AHNAK2: variants seen among roughly 807,000 people sequenced by gnomAD.
The protein encoded by AHNAK2 is AHNAK nucleoprotein 2.
A neutral mutation model predicts 30.7 loss-of-function variants in AHNAK2; 18 were observed. That is an observed-to-expected ratio of 0.59 (90% CI 0.41 to 0.87). The LOEUF (loss-of-function observed/expected upper bound fraction) is 0.87, where lower values mean the gene tolerates loss of function less well. AHNAK2 is among the 40% of genes least tolerant of loss of function. The pLI is 0.00. For synonymous variants in AHNAK2, 3,590 were observed against 3,073.8 expected (o/e 1.17, Z -5.56); for missense variants, 8,604 against 7,373.0 (o/e 1.17, Z -6.11).
At chr14:104,957,703 A>G (rs983493333) in intron 1 of AHNAK2, 31 bp from the exon 2 acceptor site, 3 of 1,600,070 alleles carry the variant, frequency 1.9e-6, no homozygotes, top group Non-Finnish European at 2.6e-6. Context: ...AGTGGAGACA[A>G]GCAGGCTGGG....
chr14:104,956,706 T>C lies in AHNAK2; in HGVS notation c.214-17A>G. On this transcript the variant is annotated splice_polypyrimidine_tract_variant and intron_variant, in intron 3 of 6. Coordinates refer to ENST00000333244, the MANE Select transcript of AHNAK2 (RefSeq NM_138420.4). ...GGCGTCTTCCTGCAGCCACAAGTGT[T>C]GGGAGTTAGGCACCTGCCCCAGCTC... The C allele has an allele frequency of 6.2e-7, 1 of 1,612,850 alleles. No homozygotes were observed. The highest frequency in any genetic ancestry group is 8.5e-7 in the Non-Finnish European group (1 of 1,179,530).
chr14:104,954,340 C>T lies in AHNAK2; in HGVS notation c.1111G>A (p.Ala371Thr), dbSNP rs1442057804. The change falls in exon 7 of 7, where the codon GCT (alanine) becomes ACT (threonine). Residue 371 changes from alanine to threonine, a missense_variant. Physicochemically the swap from Ala to Thr is moderately conservative, Grantham distance 58. Transcript: ENST00000333244. The surrounding 1 kb of genome is among the most constrained non-coding windows in gnomAD (Gnocchi z 4.3). ...TCCTCTCTCCTGCTGCCTGTGGCAGCCCCAGTCTCCTCGAGGCTATCACCC... is the reference window on the plus strand; with the variant it reads ...TCCTCTCTCCTGCTGCCTGTGGCAGTCCCAGTCTCCTCGAGGCTATCACCC... ...PWGDSLEETG[A>T]ATGSRREERA... The T allele has an allele frequency of 6.2e-7, 1 of 1,613,420 alleles. No individual in the cohort carries two copies. The highest frequency in any genetic ancestry group is 8.5e-7 in the Non-Finnish European group (1 of 1,179,880).
chr14:104,970,419 A>G (rs1899442648), intron 1 of AHNAK2: 1 of 985,346 alleles, frequency 1.0e-6, no homozygotes, highest in Non-Finnish European at 1.2e-6. Flanking sequence ...AGAGTGAGGC[A>G]AGCAGGTGTC....
rs568617409 is a variant in AHNAK2, at chr14:104,948,070, C to G, written c.7381G>C (p.Asp2461His). ...VDVEAPGAKLDGAWLEGDLSV... is the reference protein window; with the variant it reads ...VDVEAPGAKLHGAWLEGDLSV... The stretch of plus-strand genomic sequence containing the variant: ...AGGTCCCCCTCCAGCCACGCACCAT[C>G]CAGCTTGGCTCCCGGGGCCTCGACA... The change falls in exon 7 of 7, where the codon GAT becomes CAT. Residue 2461 changes from aspartate to histidine, a missense_variant. Coordinates refer to ENST00000333244, the MANE Select transcript of AHNAK2 (RefSeq NM_138420.4). 5.6e-6 allele frequency: 9 copies of G among 1,613,104 alleles called. 1 individual carries two copies. In the South Asian group the frequency reaches 8.8e-5, roughly 16 times the overall value.
rs1899647816 is a variant in AHNAK2 at position 104,978,257 on chromosome 14, G to A, written c.-20C>T. ...GCACATCGCGGCGGCCAGGCGGTGC[G>A]GGCCTGGCGGCCCGTCGCGTCCAGT... On this transcript the variant is annotated 5_prime_UTR_variant, in exon 1 of 7. Transcript: ENST00000333244. 1.7e-6 allele frequency: 2 copies of A among 1,188,242 alleles called. No individual in the cohort carries two copies. The highest frequency in any genetic ancestry group is 4.4e-5 in the Admixed American group (1 of 22,502). The allele number at this position is 1,188,242 out of a possible 1,614,324, so 73.6% of individuals were successfully genotyped here.
Position 104,954,004 on chromosome 14 carries a change from T to C in AHNAK2, c.1447A>G (p.Arg483Gly), listed in dbSNP as rs1268352990. Reference protein sequence around the residue: ...GGTQIGPPEIRVRVHDLKTPK... With the variant: ...GGTQIGPPEIGVRVHDLKTPK... ...GTCTTTAAATCGTGTACTCGCACCC[T>C]AATTTCTGGTGGGCCAATCTGTGTG... The change falls in exon 7 of 7, where the codon AGG becomes GGG. Residue 483 changes from arginine (R) to glycine (G), a missense_variant. Physicochemically the swap from Arg to Gly is moderately radical, Grantham distance 125 (BLOSUM62 -2). Transcript: ENST00000333244. The surrounding 1 kb of genome is among the most constrained non-coding windows in gnomAD (Gnocchi z 4.3). 7 of 1,613,700 alleles carry C rather than the reference T, an allele frequency of 4.3e-6. No homozygotes were observed. Among genetic ancestry groups the C allele is most frequent in the Non-Finnish European group, 5.9e-6 (7 of 1,179,884 alleles).
chr14:104,938,543 T>C lies in AHNAK2; in HGVS notation c.16908A>G (p.Lys5636=). 1 of 1,613,248 alleles carries C rather than the reference T, an allele frequency of 6.2e-7. No homozygotes were observed. The stretch of plus-strand genomic sequence containing the variant: ...GCAGACCAGATTTTTTACTTTCTGG[T>C]TTGTCTTTTGGAGCCCTGCCTTCAT... ...LADEGRAPKD[K]PESKKSGLLW... is the part of the protein sequence containing the mutation. The change falls in exon 7 of 7, where the codon AAA becomes AAG. Residue 5636 remains lysine, a synonymous_variant. Coordinates refer to ENST00000333244, the MANE Select transcript of AHNAK2 (RefSeq NM_138420.4).
In AHNAK2 at chr14:104,954,499, G is replaced by T. The variant is rs761266543; in HGVS notation, c.952C>A (p.Gln318Lys). Reference sequence around the variant, plus strand: ...AGGTTGAGGAACTTCCGCCTCCTCTGGCTGCCCGGCCCTGCCTTCTGCTCT... The same window carrying T: ...AGGTTGAGGAACTTCCGCCTCCTCTTGCTGCCCGGCCCTGCCTTCTGCTCT... ...RQEQKAGPGS[Q>K]RRRKFLNLRF... is the part of the protein sequence containing the mutation. Residue 318 changes from glutamine (Q) to lysine (K), a missense_variant, in exon 7 of 7, where the codon CAG becomes AAG. Gln to Lys is a moderately conservative substitution (Grantham distance 53). Transcript: ENST00000333244. The surrounding 1 kb of genome is among the most constrained non-coding windows in gnomAD (Gnocchi z 4.3). 5.0e-6 allele frequency: 8 copies of T among 1,612,500 alleles called. No individual in the cohort carries two copies. Among genetic ancestry groups the T allele is most frequent in the Non-Finnish European group, 6.8e-6 (8 of 1,179,546 alleles).
At position 104,941,735 on chromosome 14, in the gene AHNAK2, C is replaced by G. The variant is rs777785539; in HGVS notation, c.13716G>C (p.Lys4572Asn). ...CTGCCTTTGGGCCTTTCAGGTCCAG[C>G]TTGGGGCCCTTGACGTCCACCTGGG... ...KGPQVDVKGP[K>N]LDLKGPKAEV... Residue 4572 changes from lysine to asparagine, a missense_variant, in exon 7 of 7, where the codon AAG (lysine) becomes AAC (asparagine). By Grantham distance (94) the Lys-to-Asn change is moderately conservative. Coordinates refer to ENST00000333244, the MANE Select transcript of AHNAK2 (RefSeq NM_138420.4). 2 of 1,613,800 alleles carry G rather than the reference C, an allele frequency of 1.2e-6. No individual in the cohort carries two copies. Among genetic ancestry groups the G allele is most frequent in the South Asian group, 2.2e-5 (2 of 91,068 alleles).
At chr14:104,965,497 C>G (rs556664899) in intron 1 of AHNAK2, among the ~76,000 whole-genome samples, 1 of 152,118 alleles carries the variant, frequency 6.6e-6, no homozygotes, top group South Asian at 2.1e-4. Flanking sequence ...CTCAACCCCA[C>G]TCTGAATTAT....
Position 104,943,591 on chromosome 14 carries a change from G to C in AHNAK2, c.11860C>G (p.Leu3954Val), listed in dbSNP as rs769863586. Residue 3954 changes from leucine to valine, a missense_variant, in exon 7 of 7, where the codon CTG becomes GTG. By Grantham distance (32) the Leu-to-Val change is conservative. Transcript: ENST00000333244. The part of the protein sequence containing the change: ...KLDGARLEGD[L>V]SLADKDMTAK... ...GTCATGTCCTTGTCGGCCAGGGACAGGTCCCCCTCCAGCCGCGCACCATCC... is the reference window on the plus strand; with the variant it reads ...GTCATGTCCTTGTCGGCCAGGGACACGTCCCCCTCCAGCCGCGCACCATCC... The C allele has an allele frequency of 2.5e-6, 4 of 1,613,246 alleles. No individual in the cohort carries two copies. Among genetic ancestry groups the C allele is most frequent in the Admixed American group, 3.3e-5 (2 of 59,952 alleles).
intron 1 of AHNAK2, 135 bp downstream of exon 1, chr14:104,978,048 G>GCGAGTCCCGCAGGCGTCTC (rs1899640428): frequency 1.5e-6 from 1 of 663,232 alleles, no homozygotes; most frequent in Non-Finnish European, 2.1e-6. Flanking sequence ...AGAACCACGC[G>GCGAGTCCCGCAGGCGTCTC]CGAGTCCCGC....
rs1897856428 is a variant in AHNAK2 at position 104,938,002 on chromosome 14, T to C, written c.*61A>G. On this transcript the variant is annotated 3_prime_UTR_variant, in exon 7 of 7. Coordinates refer to ENST00000333244, the MANE Select transcript of AHNAK2 (RefSeq NM_138420.4). ...TGGGATGGGGTGCTCCATATGTGTG[T>C]GTAGCCTTTACTTTCCAACTTAGTT... is the stretch of plus-strand genomic sequence containing the variant. The C allele has an allele frequency of 1.6e-5, 25 of 1,547,704 alleles. No individual in the cohort carries two copies. Among genetic ancestry groups the C allele is most frequent in the Non-Finnish European group, 2.1e-5 (24 of 1,140,312 alleles).
Position 104,945,045 on chromosome 14 carries a change from T to C in AHNAK2, c.10406A>G (p.Lys3469Arg). The C allele has an allele frequency of 1.2e-6, 2 of 1,612,998 alleles. No individual in the cohort carries two copies. The highest frequency in any genetic ancestry group is 1.7e-6 in the Non-Finnish European group (2 of 1,179,652). The change falls in exon 7 of 7, where the codon AAA (lysine) becomes AGA (arginine). Residue 3469 changes from lysine (K) to arginine (R), a missense_variant. Lys to Arg is a conservative substitution (Grantham distance 26, BLOSUM62 2). Coordinates refer to ENST00000333244, the MANE Select transcript of AHNAK2 (RefSeq NM_138420.4). ...LSLAEKDVTA[K>R]DSKFKMPKFK... ...CTTGGGCATTTTGAACTTGCTGTCTTTGGCAGTCACATCCTTTTCAGCCAG... is the reference window on the plus strand; with the variant it reads ...CTTGGGCATTTTGAACTTGCTGTCTCTGGCAGTCACATCCTTTTCAGCCAG...
intron 1 of AHNAK2, among the ~76,000 whole-genome samples, chr14:104,976,080 A>G (rs113190385): frequency 0.015 from 2,249 of 150,574 alleles, 55 homozygotes; most frequent in African/African-American, 0.052. Context: ...CTCAGGCCAC[A>G]CCGGGGCAGC....
At chr14:104,977,369 C>G (rs1242987328) in intron 1 of AHNAK2, among the ~76,000 whole-genome samples, 1 of 152,174 alleles carries the variant, frequency 6.6e-6, no homozygotes, top group Non-Finnish European at 1.5e-5. Context: ...GGAACCAGGC[C>G]CAGTGCAGGG....
Position 104,970,072 on chromosome 14 carries a change from C to T in AHNAK2, c.55+8111G>A, listed in dbSNP as rs151130395. ...GGGGACTTGCAGACCTGCGGCTGCC[C>T]TGAATGTGGGTGCTCTTGGCATTCA... On this transcript the variant is annotated intron_variant, in intron 1 of 6. Transcript: ENST00000333244. 1.6e-3 allele frequency among the ~76,000 whole-genome samples: 239 copies of T among 152,312 alleles called. 2 individuals are homozygous for T. In the South Asian group the frequency reaches 0.022, roughly 14 times the overall value.
In AHNAK2 at chr14:104,957,418, C is replaced by T; in HGVS notation, c.205G>A (p.Gly69Arg). The T allele has an allele frequency of 1.3e-6, 2 of 1,586,332 alleles. No individual in the cohort carries two copies. The highest frequency in any genetic ancestry group is 2.2e-5 in the South Asian group (2 of 89,486). ...CTGCCCAGCAGGCTCACCTGGAGTC[C>T]AAAGTCGGCAGCCTCAGTCGTGTAT... ...YEYTTEAADF[G>R]LQEDAPGRQG... Residue 69 changes from glycine (G) to arginine (R), a missense_variant, in exon 3 of 7, where the codon GGA becomes AGA. By Grantham distance (125) the Gly-to-Arg change is moderately radical (BLOSUM62 -2). Coordinates refer to ENST00000333244, the MANE Select transcript of AHNAK2 (RefSeq NM_138420.4).
In AHNAK2 at chr14:104,950,699, G is replaced by C. The variant is rs187739436; in HGVS notation, c.4752C>G (p.Phe1584Leu). Residue 1584 changes from phenylalanine (F) to leucine (L), a missense_variant, in exon 7 of 7, where the codon TTC becomes TTG. By Grantham distance (22) the Phe-to-Leu change is conservative. Transcript: ENST00000333244. ...GHLPKVQMPSFKMPKVDLKGP... is the reference protein window; with the variant it reads ...GHLPKVQMPSLKMPKVDLKGP... ...CCTTGAGGTCCACTTTGGGCATCTT[G>C]AAACTGGGCATCTGCACTTTGGGCA... 612 of 1,585,688 alleles carry C rather than the reference G, an allele frequency of 3.9e-4. 63 individuals carry two copies. The East Asian group carries it at 0.012, about 32-fold the overall frequency.
Sources: gnomAD v4.1 joint callset for allele counts (sites outside exome capture counted in the v4.1 genomes callset) on GRCh38, gnomAD v4.1.1 for gene constraint, Gnocchi (gnomAD v3.1) non-coding constraint, MANE v1.5 for transcripts, NCBI Gene and HGNC (gene_info 2026-07-23, HGNC 2026-07-21) for gene names.